PTPRQ: variants seen among roughly 807,000 people sequenced by gnomAD.
PTPRQ encodes phosphatidylinositol phosphatase PTPRQ.
In PTPRQ, 199 loss-of-function variants were observed where a neutral mutation model predicts 246.0. That is an observed-to-expected ratio of 0.81 (90% confidence interval 0.72 to 0.91). The LOEUF (loss-of-function observed/expected upper bound fraction) is 0.91, where lower values mean the gene tolerates loss of function less well. Among genes scored for constraint, PTPRQ ranks in the 40% least tolerant of loss-of-function variants. The pLI is 0.00. For synonymous variants in PTPRQ, 869 were observed against 853.2 expected (o/e 1.02, Z -0.32); for missense variants, 2,624 against 2,528.4 (o/e 1.04, Z -0.81).
At chr12:80,504,920 A>G (rs917520707) in intron 14 of PTPRQ, among the ~76,000 whole-genome samples, 2 of 151,822 alleles carry the variant, frequency 1.3e-5, no homozygotes, top group South Asian at 2.1e-4. Context: ...CTCACTTCCC[A>G]TTTCCTGAGA....
chr12:80,623,431 A>C (rs1389908664), intron 33 of PTPRQ, among the ~76,000 whole-genome samples: 1 of 152,150 alleles, frequency 6.6e-6, no homozygotes, highest in East Asian at 1.9e-4. Flanking sequence ...TTTTAAAGCT[A>C]GCTGATTAGT....
At chr12:80,669,305 G>T in intron 40 of PTPRQ, 34 bp from the exon 41 acceptor site, 2 of 1,544,064 alleles carry the variant, frequency 1.3e-6, no homozygotes, top group Non-Finnish European at 1.7e-6. Flanking sequence ...ATATAACAAT[G>T]ACGCTTATGA....
intron 4 of PTPRQ, among the ~76,000 whole-genome samples, chr12:80,457,903 TATC>T (rs1242534169): frequency 5.9e-5 from 9 of 152,190 alleles, no homozygotes; most frequent in African/African-American, 2.2e-4. Flanking sequence ...TCCATAGACT[TATC>T]ATATAAAAAA....
At chr12:80,635,208 C>G (rs1177722663) in intron 35 of PTPRQ, 135 bp downstream of exon 35, 1 of 1,335,432 alleles carries the variant, frequency 7.5e-7, no homozygotes, top group African/African-American at 1.5e-5. Context: ...AAAGAGTGAC[C>G]TCCGTCTTCT....
At chr12:80,512,235 C>A (rs1895146895) in intron 17 of PTPRQ, among the ~76,000 whole-genome samples, 1 of 152,186 alleles carries the variant, frequency 6.6e-6, no homozygotes, top group African/African-American at 2.4e-5. Context: ...ATTTTTCTGG[C>A]TGGGATTTTC....
Position 80,620,352 on chromosome 12 carries a change from C to T in PTPRQ, c.5588C>T (p.Pro1863Leu), listed in dbSNP as rs772267462. 1.3e-6 allele frequency: 2 copies of T among 1,548,636 alleles called. No individual in the cohort carries two copies. Among genetic ancestry groups the T allele is most frequent in the South Asian group, 1.2e-5 (1 of 83,934 alleles). ...AATGAAGACAAAATTTGCAATGGAC[C>T]ACTGAAACCAAAAAAGCAATACTTG... Reference protein sequence around the residue: ...PGNEDKICNGPLKPKKQYLFK... With the variant: ...PGNEDKICNGLLKPKKQYLFK... The change falls in exon 32 of 45, where the codon CCA (proline) becomes CTA (leucine). Residue 1863 changes from proline (P) to leucine (L), a missense_variant. Transcript: ENST00000644991.
intron 25 of PTPRQ, chr12:80,586,890 T>C (rs1224946982): frequency 6.6e-6 from 1 of 152,202 alleles, no homozygotes; most frequent in African/African-American, 2.4e-5. Flanking sequence ...GTAAATAACC[T>C]AGAGATTATT....
At position 80,663,726 on chromosome 12, in the gene PTPRQ, G is replaced by C. The variant is rs151337826; in HGVS notation, c.6193-5281G>C. Among the ~76,000 whole-genome samples, 34 of 151,676 alleles carry C rather than the reference G, an allele frequency of 2.2e-4. No individual in the cohort carries two copies. In the East Asian group the frequency reaches 6.6e-3, roughly 30 times the overall value. ...TGGACCTCTTCTCTTGCAGTGACTT[G>C]CCTTCCACATGACCTCATCACTTTC... On this transcript the variant is annotated intron_variant, in intron 39 of 44. Coordinates refer to ENST00000644991, the MANE Select transcript of PTPRQ (RefSeq NM_001145026.2).
intron 26 of PTPRQ, among the ~76,000 whole-genome samples, chr12:80,603,323 T>C (rs554137926): frequency 2.1e-4 from 32 of 151,808 alleles, no homozygotes; most frequent in Non-Finnish European, 4.6e-4. Context: ...GTTACCTGAG[T>C]TGTCTTCCTA....
chr12:80,448,735 T>C (rs1168537196), intron 3 of PTPRQ, among the ~76,000 whole-genome samples: 1 of 149,310 alleles, frequency 6.7e-6, no homozygotes, highest in East Asian at 1.9e-4. Context: ...TAGTATTCCA[T>C]GGTGTATATG....
chr12:80,677,227 T>C (rs1413215215), intron 43 of PTPRQ, among the ~76,000 whole-genome samples: 1 of 152,228 alleles, frequency 6.6e-6, no homozygotes, highest in Non-Finnish European at 1.5e-5. Flanking sequence ...CCAAAAAGAT[T>C]ATATTGTGTC....
chr12:80,475,202 G>A (rs1217288603), intron 8 of PTPRQ, among the ~76,000 whole-genome samples: 2 of 151,924 alleles, frequency 1.3e-5, no homozygotes, highest in African/African-American at 4.8e-5. Flanking sequence ...TGTTTCTAAT[G>A]CATTAGTAAA....
At chr12:80,563,299 A>C (rs1245493615) in intron 25 of PTPRQ, among the ~76,000 whole-genome samples, 2 of 151,962 alleles carry the variant, frequency 1.3e-5, no homozygotes, top group East Asian at 1.9e-4. Flanking sequence ...TTGTGTCCTC[A>C]TATGGTGAAA....
chr12:80,615,597 T>C (rs905541326), intron 29 of PTPRQ, among the ~76,000 whole-genome samples: 11 of 151,272 alleles, frequency 7.3e-5, no homozygotes, highest in African/African-American at 2.7e-4. Flanking sequence ...TGCTGCATTA[T>C]GCAGGTTATA....
intron 35 of PTPRQ, among the ~76,000 whole-genome samples, chr12:80,635,811 A>AT (rs1329279118): frequency 6.6e-6 from 1 of 152,166 alleles, no homozygotes; most frequent in Non-Finnish European, 1.5e-5. Flanking sequence ...TAACGTTTGC[A>AT]TTTTTATAAG....
chr12:80,594,648 A>G (rs182861614), intron 26 of PTPRQ, among the ~76,000 whole-genome samples: 4 of 152,098 alleles, frequency 2.6e-5, no homozygotes, highest in Non-Finnish European at 5.9e-5. Context: ...TTACTGCACC[A>G]CTATTCATCT....
intron 37 of PTPRQ, among the ~76,000 whole-genome samples, chr12:80,650,685 T>C (rs1240498248): frequency 6.6e-6 from 1 of 152,044 alleles, no homozygotes; most frequent in Non-Finnish European, 1.5e-5. Context: ...ACAAAATCAA[T>C]AGTGCCATAA....
chr12:80,646,147 G>A (rs1463349598), intron 35 of PTPRQ, among the ~76,000 whole-genome samples: 1 of 152,104 alleles, frequency 6.6e-6, no homozygotes, highest in African/African-American at 2.4e-5. Context: ...GATAGGAGCA[G>A]CTTGAGATGA....
chr12:80,486,482 C>G (rs73145142), intron 9 of PTPRQ, among the ~76,000 whole-genome samples: 31,688 of 152,032 alleles, frequency 0.21, 3,635 homozygotes, highest in African/African-American at 0.28. Context: ...TCCAAATGGC[C>G]CTGGGTTCTT....
Sources: gnomAD v4.1 joint callset for allele counts (sites outside exome capture counted in the v4.1 genomes callset) on GRCh38, gnomAD v4.1.1 for gene constraint, MANE v1.5 for transcripts, NCBI Gene and HGNC (gene_info 2026-07-23, HGNC 2026-07-21) for gene names.